Variants in MND1 observed in about 807,000 individuals in gnomAD.
MND1 encodes the protein meiotic nuclear divisions 1.
Under a neutral mutation model 35.1 loss-of-function variants are expected in MND1, and 28 were observed. The observed-to-expected ratio is 0.80, with a 90% confidence interval of 0.59 to 1.09. The LOEUF is 1.09. MND1 is among the 50% of genes least tolerant of loss of function. MND1 has a pLI of 0.00. For synonymous variants in MND1, 69 were observed against 70.5 expected (o/e 0.98, Z 0.11); for missense variants, 213 against 239.6 (o/e 0.89, Z 0.73).
At chr4:153,396,322 C>A (rs1259194382) in intron 5 of MND1, among the ~76,000 whole-genome samples, 1 of 152,162 alleles carries the variant, frequency 6.6e-6, no homozygotes, top group African/African-American at 2.4e-5. Flanking sequence ...TCTGAGCGTG[C>A]TGCTCTGTAT....
chr4:153,380,905 G>T (rs1728659892), intron 4 of MND1, among the ~76,000 whole-genome samples: 1 of 147,388 alleles, frequency 6.8e-6, no homozygotes, highest in African/African-American at 2.5e-5. Context: ...AGACATCAGA[G>T]TTTTTTTTTT....
intron 2 of MND1, among the ~76,000 whole-genome samples, chr4:153,350,465 A>G (rs1203420983): frequency 6.6e-6 from 1 of 152,184 alleles, no homozygotes; most frequent in African/African-American, 2.4e-5. Context: ...CCAGTCTTGG[A>G]TCTCAAACAA....
intron 4 of MND1, among the ~76,000 whole-genome samples, chr4:153,387,526 A>G (rs528946891): frequency 6.6e-6 from 1 of 152,286 alleles, no homozygotes; most frequent in African/African-American, 2.4e-5. Context: ...TGGAAAGCCA[A>G]GTCAGGAAGA....
chr4:153,351,347 G>C (rs2149629018), intron 2 of MND1, among the ~76,000 whole-genome samples: 1 of 152,304 alleles, frequency 6.6e-6, no homozygotes, highest in Non-Finnish European at 1.5e-5. Context: ...AGGAAGTTCA[G>C]TAATTAGTGA....
At chr4:153,352,249 A>G (rs1773232543) in intron 2 of MND1, among the ~76,000 whole-genome samples, 1 of 152,206 alleles carries the variant, frequency 6.6e-6, no homozygotes, top group South Asian at 2.1e-4. Flanking sequence ...AAATATGTAA[A>G]TGGAGAAAAA....
chr4:153,397,011 T>G (rs1448112697), intron 5 of MND1, among the ~76,000 whole-genome samples: 4 of 152,286 alleles, frequency 2.6e-5, no homozygotes, highest in African/African-American at 9.6e-5. Flanking sequence ...TCAATATATA[T>G]AAAAGATACT....
intron 7 of MND1, among the ~76,000 whole-genome samples, chr4:153,414,394 G>C (rs1729777480): frequency 6.6e-6 from 1 of 151,692 alleles, no homozygotes; most frequent in South Asian, 2.1e-4. Context: ...CGATTCTCCT[G>C]CCTCAGCCTC....
chr4:153,347,764 A>G (rs758305887), intron 1 of MND1, among the ~76,000 whole-genome samples: 2 of 152,144 alleles, frequency 1.3e-5, no homozygotes, highest in Non-Finnish European at 2.9e-5. Context: ...TTCTAGGTGG[A>G]GGAACATTTT....
chr4:153,367,693 G>T (rs1450966447), intron 4 of MND1, among the ~76,000 whole-genome samples: 2 of 152,040 alleles, frequency 1.3e-5, no homozygotes. Context: ...ATTTCTCTTG[G>T]GTGTATACCT....
chr4:153,389,353 A>T (rs1040328349), intron 4 of MND1, among the ~76,000 whole-genome samples: 2 of 151,692 alleles, frequency 1.3e-5, no homozygotes, highest in African/African-American at 4.8e-5. Context: ...ATACCTTTTT[A>T]TTTATTTATT....
At chr4:153,403,565 C>T (rs1005938315) in intron 6 of MND1, among the ~76,000 whole-genome samples, 4 of 152,106 alleles carry the variant, frequency 2.6e-5, no homozygotes, top group Non-Finnish European at 2.9e-5. Flanking sequence ...AACAACTCTA[C>T]GAGCAACAAT....
At chr4:153,348,249 G>A (rs1416799042) in intron 1 of MND1, among the ~76,000 whole-genome samples, 2 of 152,164 alleles carry the variant, frequency 1.3e-5, no homozygotes, top group African/African-American at 4.8e-5. Context: ...TGACTGTCAG[G>A]CCTCTGGCTT....
chr4:153,367,603 G>A (rs2149638628), intron 4 of MND1, among the ~76,000 whole-genome samples: 1 of 152,266 alleles, frequency 6.6e-6, no homozygotes, highest in Non-Finnish European at 1.5e-5. Flanking sequence ...GGGCATGTGA[G>A]TTTTTTCCAC....
intron 4 of MND1, among the ~76,000 whole-genome samples, chr4:153,387,864 G>A (rs76191633): frequency 0.03 from 4,482 of 150,784 alleles, 106 homozygotes; most frequent in South Asian, 0.14. Context: ...CATACTGCAC[G>A]AATTTTGATA....
At chr4:153,387,209 T>C (rs1355747510) in intron 4 of MND1, among the ~76,000 whole-genome samples, 1 of 152,208 alleles carries the variant, frequency 6.6e-6, no homozygotes, top group Admixed American at 6.5e-5. Context: ...CATTGTATTA[T>C]AGTTTTCCTT....
intron 4 of MND1, among the ~76,000 whole-genome samples, chr4:153,372,217 A>C (rs1406867509): frequency 1.3e-5 from 2 of 152,072 alleles, no homozygotes; most frequent in Non-Finnish European, 2.9e-5. Context: ...AGCACATGCC[A>C]TTGGAAAAAT....
At chr4:153,386,483 G>A (rs570846180) in intron 4 of MND1, among the ~76,000 whole-genome samples, 89 of 152,094 alleles carry the variant, frequency 5.9e-4, no homozygotes, top group Non-Finnish European at 9.9e-4. Flanking sequence ...GAGCAACAGT[G>A]GGAGACTGTG....
intron 4 of MND1, among the ~76,000 whole-genome samples, chr4:153,370,660 T>C (rs1773768023): frequency 1.3e-5 from 2 of 152,002 alleles, no homozygotes; most frequent in South Asian, 4.1e-4. Flanking sequence ...GCTGAGATTA[T>C]GGGCAGGCAC....
At chr4:153,356,715 C>A (rs1434676260) in intron 3 of MND1, among the ~76,000 whole-genome samples, 1 of 151,788 alleles carries the variant, frequency 6.6e-6, no homozygotes, top group Non-Finnish European at 1.5e-5. Context: ...TGTCTAATTG[C>A]TTTATTTTCG....
Sources: allele counts gnomAD v4.1 joint callset (sites outside exome capture counted in the v4.1 genomes callset), GRCh38; gene constraint gnomAD v4.1.1; transcripts MANE v1.5; gene names NCBI Gene and HGNC (gene_info 2026-07-23, HGNC 2026-07-21).